The following DHX29 variants were observed in gnomAD, a reference collection of about 807,000 sequenced individuals.
DHX29 encodes DExH-box helicase 29.
In DHX29, 79 loss-of-function variants were observed where a neutral mutation model predicts 167.9. That is an observed-to-expected ratio of 0.47 (90% CI 0.39 to 0.57). The LOEUF (loss-of-function observed/expected upper bound fraction) is 0.57. Among genes scored for constraint, DHX29 ranks in the 20% least tolerant of loss-of-function variants. DHX29 has a pLI of 0.00. For synonymous variants in DHX29, 530 were observed against 546.0 expected, an observed-to-expected ratio of 0.97 and a Z score of 0.41; for missense variants, 1,347 against 1,593.4, an observed-to-expected ratio of 0.85 and a Z score of 2.63.
intron 26 of DHX29, among the ~76,000 whole-genome samples, chr5:55,258,828 CA>C (rs1341490922): frequency 6.6e-6 from 1 of 152,142 alleles, no homozygotes; most frequent in East Asian, 1.9e-4. Flanking sequence ...GGTGGGATTA[CA>C]GGCAGGTGTC....
At chr5:55,297,216 A>C (rs1748369697) in intron 3 of DHX29, 69 bp downstream of exon 3, 1 of 704,320 alleles carries the variant, frequency 1.4e-6, no homozygotes, top group Admixed American at 2.6e-5. Flanking sequence ...AGCCATTTTT[A>C]TCTCACATGA....
intron 1 of DHX29, among the ~76,000 whole-genome samples, chr5:55,301,868 C>T (rs943019962): frequency 2.0e-5 from 3 of 152,038 alleles, no homozygotes; most frequent in African/African-American, 7.2e-5. Context: ...ACTTTGCTCT[C>T]TGCTGGGTTA....
chr5:55,306,998 T>C (rs1254434542), intron 1 of DHX29, among the ~76,000 whole-genome samples: 1 of 152,194 alleles, frequency 6.6e-6, no homozygotes, highest in Non-Finnish European at 1.5e-5. Flanking sequence ...TATGAAAAAC[T>C]GACAGAAAAT....
intron 16 of DHX29, among the ~76,000 whole-genome samples, chr5:55,274,287 G>A (rs1233542841): frequency 6.6e-6 from 1 of 152,002 alleles, no homozygotes; most frequent in Non-Finnish European, 1.5e-5. Context: ...GGTCCCAGCT[G>A]CTCAGGAGGC....
chr5:55,290,275 C>T lies in DHX29; in HGVS notation c.850G>A (p.Glu284Lys). Residue 284 changes from glutamate to lysine, a missense_variant, in exon 7 of 27, where the codon GAA (glutamate) becomes AAA (lysine). Coordinates refer to ENST00000251636, the MANE Select transcript of DHX29 (RefSeq NM_019030.4). ...TCTTTTTGGCCTTGCTTGTTTTTTTCTAGTTTAAAGGTAGCTGCTTGTTCT... is the reference window on the plus strand; with the variant it reads ...TCTTTTTGGCCTTGCTTGTTTTTTTTTAGTTTAAAGGTAGCTGCTTGTTCT... The part of the protein sequence containing the change: ...AKEQAATFKL[E>K]KNKQGQKEAQ... 6.2e-7 allele frequency: 1 copy of T among 1,610,432 alleles called. No homozygotes were observed.
intron 1 of DHX29, among the ~76,000 whole-genome samples, chr5:55,298,891 G>A (rs574372462): frequency 6.4e-4 from 97 of 150,992 alleles, no homozygotes; most frequent in Middle Eastern, 3.4e-3. Flanking sequence ...TTAGCCGGGC[G>A]CGGTGGCGGG....
Position 55,262,682 on chromosome 5 carries a change from G to T in DHX29, c.3776C>A (p.Ser1259Tyr), listed in dbSNP as rs147947389. The change falls in exon 24 of 27, where the codon TCC becomes TAC. Residue 1259 changes from serine to tyrosine, a missense_variant. Coordinates refer to ENST00000251636, the MANE Select transcript of DHX29 (RefSeq NM_019030.4). The part of the protein sequence containing the change: ...TAQGKAQVHP[S>Y]SVNRDLQTHG... ...AGTTTGCAAATCTCGATTTACTGAGGATGGGTGTACTTGTGCTTTGCCTTG... is the reference window on the plus strand; with the variant it reads ...AGTTTGCAAATCTCGATTTACTGAGTATGGGTGTACTTGTGCTTTGCCTTG... The T allele has an allele frequency of 3.1e-6, 5 of 1,614,058 alleles. No individual in the cohort carries two copies. The highest frequency in any genetic ancestry group is 4.2e-6 in the Non-Finnish European group (5 of 1,179,964).
rs1474431967 is a variant in DHX29 at position 55,262,528 on chromosome 5, A to G, written c.3828+102T>C. ...AATATTAACAAAAATGAATAGCTCAATTTGAGAACCAAATAAAATACCTGT... is the reference window on the plus strand; with the variant it reads ...AATATTAACAAAAATGAATAGCTCAGTTTGAGAACCAAATAAAATACCTGT... On this transcript the variant is annotated intron_variant, in intron 24 of 26. Coordinates refer to ENST00000251636, the MANE Select transcript of DHX29 (RefSeq NM_019030.4). 4.2e-6 allele frequency: 6 copies of G among 1,423,844 alleles called. No individual in the cohort carries two copies. The South Asian group carries it at 5.6e-5, about 13-fold the overall frequency. 88.2% of individuals were successfully genotyped at this position (1,423,844 alleles called of 1,614,324 possible).
chr5:55,297,819 CTAAA>C (rs1321902276), intron 2 of DHX29, among the ~76,000 whole-genome samples: 1 of 152,112 alleles, frequency 6.6e-6, no homozygotes, highest in African/African-American at 2.4e-5. Flanking sequence ...AAACTGAAAA[CTAAA>C]TATGTCGTAA....
intron 1 of DHX29, among the ~76,000 whole-genome samples, chr5:55,304,647 G>A (rs1445218836): frequency 6.6e-6 from 1 of 151,272 alleles, no homozygotes; most frequent in Non-Finnish European, 1.5e-5. Context: ...ATTTAATACT[G>A]AACCTCTCCC....
At position 55,262,804 on chromosome 5, in the gene DHX29, A is replaced by G; in HGVS notation, c.3654T>C (p.Ala1218=). The change falls in exon 24 of 27, where the codon GCT becomes GCC. Residue 1218 remains alanine, a synonymous_variant. Coordinates refer to ENST00000251636, the MANE Select transcript of DHX29 (RefSeq NM_019030.4). Reference sequence around the variant, plus strand: ...TGTCATACAGTCCAGCCACCAGTACAGCTTTAAGAAGGGCAATTTCTTGGA... The same window carrying G: ...TGTCATACAGTCCAGCCACCAGTACGGCTTTAAGAAGGGCAATTTCTTGGA... ...LSFQEIALLK[A]VLVAGLYDNV... The G allele has an allele frequency of 2.5e-6, 4 of 1,614,134 alleles. No individual in the cohort carries two copies. The highest frequency in any genetic ancestry group is 3.4e-6 in the Non-Finnish European group (4 of 1,180,002).
At position 55,262,444 on chromosome 5, in the gene DHX29, G is replaced by A. The variant is rs547586369; in HGVS notation, c.3828+186C>T. Reference sequence around the variant, plus strand: ...GGGCAGAGTAGAAACCTTACTATTTGTTTTTGAAGAGAAAATAAGCATTCT... The same window carrying A: ...GGGCAGAGTAGAAACCTTACTATTTATTTTTGAAGAGAAAATAAGCATTCT... On this transcript the variant is annotated intron_variant, in intron 24 of 26. Transcript: ENST00000251636. Among the ~76,000 whole-genome samples the A allele has an allele frequency of 3.9e-5, 6 of 152,246 alleles. No homozygotes were observed. The East Asian group carries it at 1.2e-3, about 29-fold the overall frequency.
At chr5:55,289,123 T>C in intron 8 of DHX29, 147 bp downstream of exon 8, 1 of 871,146 alleles carries the variant, frequency 1.1e-6, no homozygotes, top group Non-Finnish European at 1.6e-6. Context: ...TAATTGTTAA[T>C]ACTTTTTCAA....
intron 14 of DHX29, 99 bp from the exon 15 acceptor site, chr5:55,275,109 T>C (rs973842416): frequency 2.5e-5 from 34 of 1,364,706 alleles, no homozygotes; most frequent in Non-Finnish European, 3.1e-5. Flanking sequence ...TTCAAATCTA[T>C]ATTTTTCTCA....
At chr5:55,303,932 C>A (rs912477355) in intron 1 of DHX29, among the ~76,000 whole-genome samples, 1 of 152,104 alleles carries the variant, frequency 6.6e-6, no homozygotes, top group Non-Finnish European at 1.5e-5. Context: ...ACATCCATTC[C>A]CAATTCTTAT....
chr5:55,298,515 A>C, intron 2 of DHX29, 76 bp downstream of exon 2: 1 of 865,578 alleles, frequency 1.2e-6, no homozygotes, highest in East Asian at 2.5e-5. Flanking sequence ...ATTTTCTTAC[A>C]TTTAAGGATA....
At chr5:55,299,940 A>C (rs935163658) in intron 1 of DHX29, among the ~76,000 whole-genome samples, 3 of 152,184 alleles carry the variant, frequency 2.0e-5, no homozygotes, top group African/African-American at 7.2e-5. Context: ...CATTATTTTC[A>C]AACTTTTGGT....
chr5:55,307,681 G>T lies in DHX29; in HGVS notation c.-108C>A. 3.5e-6 allele frequency: 5 copies of T among 1,426,888 alleles called. No individual in the cohort carries two copies. Among genetic ancestry groups the T allele is most frequent in the Non-Finnish European group, 3.8e-6 (4 of 1,049,382 alleles). 88.4% of individuals were successfully genotyped at this position (1,426,888 alleles called of 1,614,324 possible). ...CTCCGGGGCTGCCACCCTGCGCTTCGATCCGGGCTTCTCGGGCCGGGGCGA... is the reference window on the plus strand; with the variant it reads ...CTCCGGGGCTGCCACCCTGCGCTTCTATCCGGGCTTCTCGGGCCGGGGCGA... On this transcript the variant is annotated 5_prime_UTR_variant, in exon 1 of 27. Coordinates refer to ENST00000251636, the MANE Select transcript of DHX29 (RefSeq NM_019030.4).
Position 55,298,575 on chromosome 5 carries a change from A to G in DHX29, c.261+16T>C, listed in dbSNP as rs767232532. 1 of 1,442,362 alleles carries G rather than the reference A, an allele frequency of 6.9e-7. No homozygotes were observed. Among genetic ancestry groups the G allele is most frequent in the African/African-American group, 1.4e-5 (1 of 71,220 alleles). 89.3% of individuals were successfully genotyped at this position (1,442,362 alleles called of 1,614,324 possible). The stretch of plus-strand genomic sequence containing the variant: ...GGAAACATTTCTTGAAATGACTCAA[A>G]ACCTTTGTTACTTACTTTCAAAATA... On this transcript the variant is annotated intron_variant, in intron 2 of 26. Coordinates refer to ENST00000251636, the MANE Select transcript of DHX29 (RefSeq NM_019030.4).
Sources: gnomAD v4.1 joint callset for allele counts (sites outside exome capture counted in the v4.1 genomes callset) on GRCh38, gnomAD v4.1.1 for gene constraint, MANE v1.5 for transcripts, NCBI Gene and HGNC (gene_info 2026-07-23, HGNC 2026-07-21) for gene names.